The following TASOR variants were observed in gnomAD, a reference collection of about 807,000 sequenced individuals.
The protein encoded by TASOR is protein TASOR.
In TASOR, 53 loss-of-function variants were observed where a neutral mutation model predicts 178.6. That is an observed-to-expected ratio of 0.30 (90% CI 0.24 to 0.37). The LOEUF (loss-of-function observed/expected upper bound fraction) is 0.37. TASOR is among the 10% of genes least tolerant of loss of function. The probability of loss-of-function intolerance (pLI) is 1.00; values close to 1 mark genes in which losing one functional copy is unlikely to be tolerated. For missense variants in TASOR, 1,815 were observed against 1,971.4 expected, an observed-to-expected ratio of 0.92 and a Z score of 1.50; for synonymous variants, 713 against 696.2, an observed-to-expected ratio of 1.02 and a Z score of -0.38.
chr3:56,680,909 C>T (rs2031725114), intron 1 of TASOR, among the ~76,000 whole-genome samples: 1 of 151,982 alleles, frequency 6.6e-6, no homozygotes. Flanking sequence ...TTCCTAATCC[C>T]TCAATTATTT....
Position 56,671,550 on chromosome 3 carries a change from T to C in TASOR, c.570+50A>G, listed in dbSNP as rs192039251. 2.9e-5 allele frequency: 39 copies of C among 1,339,866 alleles called. No homozygotes were observed. In the Admixed American group the frequency reaches 5.6e-4, roughly 19 times the overall value. The allele number at this position is 1,339,866 out of a possible 1,614,324, so 83.0% of individuals were successfully genotyped here. A position where few individuals can be genotyped will look rare whatever the true frequency, so the allele number is the denominator to read the frequency against. On this transcript the variant is annotated intron_variant, in intron 3 of 23. Coordinates refer to ENST00000683822, the MANE Select transcript of TASOR (RefSeq NM_001365635.2). ...GTTGAATAATCACAAAATTAGTAAC[T>C]TACAATGGAAACATCCCCAAATTGT...
chr3:56,655,858 C>CTCTCTCAAAATCTTATTGTAATG (rs1416020146), intron 11 of TASOR, among the ~76,000 whole-genome samples: 8 of 152,150 alleles, frequency 5.3e-5, no homozygotes, highest in Non-Finnish European at 1.2e-4. Flanking sequence ...TGGTCTCTCT[C>CTCTCTCAAAATCTTATTGTAATG]TCTCTCAAAA....
At chr3:56,654,660 A>G (rs892883141) in intron 11 of TASOR, among the ~76,000 whole-genome samples, 9 of 152,280 alleles carry the variant, frequency 5.9e-5, no homozygotes, top group Admixed American at 3.9e-4. Flanking sequence ...CAGGTTGGCC[A>G]TATCCAATCA....
intron 11 of TASOR, 62 bp from the exon 12 acceptor site, chr3:56,649,119 C>T: frequency 8.1e-7 from 1 of 1,231,990 alleles, no homozygotes; most frequent in Non-Finnish European, 1.1e-6. Context: ...ATAAGGCAGA[C>T]ACACAGCATT....
At chr3:56,662,932 A>G (rs11926770) in intron 8 of TASOR, among the ~76,000 whole-genome samples, 8,027 of 152,244 alleles carry the variant, frequency 0.053, 691 homozygotes, top group African/African-American at 0.18. Flanking sequence ...TAACCCCAGC[A>G]CTTTGGGAGG....
At chr3:56,672,996 G>C (rs1220246439) in intron 2 of TASOR, among the ~76,000 whole-genome samples, 1 of 151,864 alleles carries the variant, frequency 6.6e-6, no homozygotes, top group Non-Finnish European at 1.5e-5. Context: ...AATTTTCGTA[G>C]AGACGGGTTT....
chr3:56,682,236 G>A lies in TASOR; in HGVS notation c.331+440C>T, dbSNP rs942883121. ...CACACAGAACTGAAGAATTTCCACGGGGAGAAGCACTCATGGTCCTCAGAA... is the reference window on the plus strand; with the variant it reads ...CACACAGAACTGAAGAATTTCCACGAGGAGAAGCACTCATGGTCCTCAGAA... On this transcript the variant is annotated intron_variant, in intron 1 of 23. Coordinates refer to ENST00000683822, the MANE Select transcript of TASOR (RefSeq NM_001365635.2). Among the ~76,000 whole-genome samples, 10 of 152,304 alleles carry A rather than the reference G, an allele frequency of 6.6e-5. 1 individual carries two copies. Among genetic ancestry groups the A allele is most frequent in the South Asian group, 4.1e-4 (2 of 4,826 alleles).
At chr3:56,667,289 T>G (rs2030127707) in intron 6 of TASOR, among the ~76,000 whole-genome samples, 1 of 152,170 alleles carries the variant, frequency 6.6e-6, no homozygotes, top group Admixed American at 6.5e-5. Flanking sequence ...GAAAGAACAT[T>G]TCCAGGGAAG....
intron 1 of TASOR, among the ~76,000 whole-genome samples, chr3:56,681,949 G>A (rs2031831664): frequency 6.6e-6 from 1 of 152,142 alleles, no homozygotes; most frequent in Admixed American, 6.6e-5. Context: ...TGAGAATAAG[G>A]TAACTTCTCA....
chr3:56,628,765 C>CT (rs35779948), intron 18 of TASOR, 151 bp from the exon 19 acceptor site: 18,029 of 425,990 alleles, frequency 0.042, 1 homozygote, highest in South Asian at 0.063. Context: ...CCATCAAATC[C>CT]TTTTTTTTTT....
At chr3:56,663,336 G>A (rs952001442) in intron 8 of TASOR, among the ~76,000 whole-genome samples, 4 of 152,080 alleles carry the variant, frequency 2.6e-5, no homozygotes, top group Middle Eastern at 3.2e-3. Flanking sequence ...TTCTATTAAA[G>A]TGCTAAAACC....
At chr3:56,674,201 TAA>T (rs11348732) in intron 1 of TASOR, among the ~76,000 whole-genome samples, 2,842 of 111,802 alleles carry the variant, frequency 0.025, 52 homozygotes, top group African/African-American at 0.048. Context: ...TCTTTAAGTT[TAA>T]AAAAAAAAAA....
intron 14 of TASOR, among the ~76,000 whole-genome samples, chr3:56,644,228 AG>A (rs1385021382): frequency 6.6e-6 from 1 of 152,232 alleles, no homozygotes; most frequent in Non-Finnish European, 1.5e-5. Flanking sequence ...CTGCAAAATT[AG>A]GATAATAATG....
chr3:56,643,761 A>C (rs1578223123), intron 14 of TASOR, among the ~76,000 whole-genome samples: 1 of 142,962 alleles, frequency 7.0e-6, no homozygotes, highest in African/African-American at 2.7e-5. Context: ...TCTCAAAAAA[A>C]AAAAAAACAA....
At position 56,641,557 on chromosome 3, in the gene TASOR, GCAT is replaced by G. The variant is rs778351701; in HGVS notation, c.2408_2410del (p.Asp803del). The G allele has an allele frequency of 1.2e-6, 2 of 1,614,156 alleles. No individual in the cohort carries two copies. Among genetic ancestry groups the G allele is most frequent in the Non-Finnish European group, 1.7e-6 (2 of 1,180,018 alleles). On this transcript the variant is annotated inframe_deletion, in exon 15 of 24. Coordinates refer to ENST00000683822, the MANE Select transcript of TASOR (RefSeq NM_001365635.2). The stretch of plus-strand genomic sequence containing the variant: ...ATGTTTTTGCCTCAGCTCTTCATAG[GCAT>G]CATCAGTGCTCAATCCTAAGGCTTT...
At chr3:56,679,132 GA>G (rs1233088807) in intron 1 of TASOR, among the ~76,000 whole-genome samples, 2 of 152,126 alleles carry the variant, frequency 1.3e-5, no homozygotes, top group African/African-American at 4.8e-5. Context: ...CTGAGGATCT[GA>G]AATTTTCTGA....
chr3:56,683,101 C>G lies in TASOR; in HGVS notation c.-95G>C. 1.5e-6 allele frequency: 2 copies of G among 1,334,518 alleles called. No individual in the cohort carries two copies. Among genetic ancestry groups the G allele is most frequent in the Non-Finnish European group, 2.0e-6 (2 of 1,004,684 alleles). The allele number at this position is 1,334,518 out of a possible 1,614,324, so 82.7% of individuals were successfully genotyped here. On this transcript the variant is annotated 5_prime_UTR_variant, in exon 1 of 24. Transcript: ENST00000683822. ...GGGCCAGTCTCGCCGCCGAGCTGCT[C>G]TCAGCCCACCCACCCCCTTCCCCCC...
At chr3:56,634,352 T>C (rs779131359) in intron 17 of TASOR, among the ~76,000 whole-genome samples, 1 of 152,248 alleles carries the variant, frequency 6.6e-6, no homozygotes, top group Non-Finnish European at 1.5e-5. Flanking sequence ...ATTTGCCAAG[T>C]AATATCTACT....
chr3:56,669,092 T>C (rs1231271147), intron 5 of TASOR, among the ~76,000 whole-genome samples: 1 of 151,588 alleles, frequency 6.6e-6, no homozygotes. Flanking sequence ...AACAAGTAAA[T>C]AGAAACTCCA....
Sources: allele counts gnomAD v4.1 joint callset (sites outside exome capture counted in the v4.1 genomes callset), GRCh38; gene constraint gnomAD v4.1.1; transcripts MANE v1.5; gene names NCBI Gene and HGNC (gene_info 2026-07-23, HGNC 2026-07-21).